Variants in FGD6 observed in about 807,000 individuals in gnomAD.
FGD6 encodes the protein FYVE, RhoGEF and PH domain containing 6, also known as FYVE, RhoGEF and PH domain-containing protein 6.
A neutral mutation model predicts 149.4 loss-of-function variants in FGD6; 90 were observed. The observed-to-expected ratio is 0.60, with a 90% CI of 0.51 to 0.72. FGD6 has a LOEUF of 0.72. Ranked by LOEUF, FGD6 falls within the 30% of genes least tolerant of loss-of-function variation. The pLI, the probability that FGD6 is intolerant of heterozygous loss-of-function variation, is 0.00. For missense variants in FGD6, 1,437 were observed against 1,684.8 expected, an observed-to-expected ratio of 0.85 and a Z score of 2.57; for synonymous variants, 527 against 584.0, an observed-to-expected ratio of 0.90 and a Z score of 1.41.
At chr12:95,192,067 C>T (rs1394521303) in intron 2 of FGD6, among the ~76,000 whole-genome samples, 1 of 152,118 alleles carries the variant, frequency 6.6e-6, no homozygotes, top group African/African-American at 2.4e-5. Flanking sequence ...CTAATTATAA[C>T]CAACTAATAT....
At chr12:95,154,669 C>T (rs1459381522) in intron 3 of FGD6, among the ~76,000 whole-genome samples, 1 of 152,178 alleles carries the variant, frequency 6.6e-6, no homozygotes, top group Non-Finnish European at 1.5e-5. Context: ...TCTTTGCATT[C>T]TCGTAGGCAC....
intron 14 of FGD6, among the ~76,000 whole-genome samples, chr12:95,098,867 A>ATTTTTTTTT (rs63204961): frequency 7.9e-6 from 1 of 126,748 alleles, no homozygotes. Flanking sequence ...GGCCCTTTTA[A>ATTTTTTTTT]TTTTTTTTTT....
intron 3 of FGD6, among the ~76,000 whole-genome samples, chr12:95,167,059 G>T (rs1409355288): frequency 2.6e-5 from 4 of 151,978 alleles, no homozygotes; most frequent in Non-Finnish European, 1.5e-5. Flanking sequence ...ATTTCACCAT[G>T]TTGGTCAAGC....
intron 2 of FGD6, among the ~76,000 whole-genome samples, chr12:95,186,902 T>C (rs1041633361): frequency 3.9e-5 from 6 of 152,182 alleles, no homozygotes; most frequent in African/African-American, 1.2e-4. Flanking sequence ...GATCATAATA[T>C]TGCCTACCTG....
At position 95,210,926 on chromosome 12, in the gene FGD6, G is replaced by C; in HGVS notation, c.358C>G (p.Leu120Val). The change falls in exon 2 of 21, where the codon CTG becomes GTG. Residue 120 changes from leucine (L) to valine (V), a missense_variant. Leu to Val is a conservative substitution (Grantham distance 32). Around this residue, in one of 2 missense-constraint regions of FGD6, gnomAD observed 1,055 missense variants for 1,146.0 expected, o/e 0.92. Coordinates refer to ENST00000343958, the MANE Select transcript of FGD6 (RefSeq NM_018351.4). ...CSCSSECIHK[L>V]GHRENLCVKQ... Reference sequence around the variant, plus strand: ...ACACACAAATTCTCTCTATGGCCCAGCTTATGGATACACTCAGAACTGCAG... The same window carrying C: ...ACACACAAATTCTCTCTATGGCCCACCTTATGGATACACTCAGAACTGCAG... 6.2e-7 allele frequency: 1 copy of C among 1,614,136 alleles called. No individual in the cohort carries two copies. The highest frequency in any genetic ancestry group is 8.5e-7 in the Non-Finnish European group (1 of 1,180,030).
Position 95,141,681 on chromosome 12 carries a change from C to G in FGD6, c.2686-142G>C, listed in dbSNP as rs551680860. 4.3e-4 allele frequency: 387 copies of G among 892,634 alleles called. 3 individuals carry two copies. In the East Asian group the frequency reaches 1.0e-2, roughly 23 times the overall value. 55.3% of individuals were successfully genotyped at this position (892,634 alleles called of 1,614,324 possible). A position where few individuals can be genotyped will look rare whatever the true frequency, so the allele number is the denominator to read the frequency against. On this transcript the variant is annotated intron_variant, in intron 5 of 20. Transcript: ENST00000343958. ...GCAGAATTACAAATCTAAAGTACCC[C>G]CTTCCTCCTACCCCACTCACCTAGA...
chr12:95,106,356 C>T (rs1202737217), intron 13 of FGD6, among the ~76,000 whole-genome samples: 3 of 151,230 alleles, frequency 2.0e-5, no homozygotes, highest in Admixed American at 6.6e-5. Context: ...CTGACACCTC[C>T]GCCTCCCAGG....
Position 95,139,892 on chromosome 12 carries a change from C to T in FGD6, c.2837+1496G>A, listed in dbSNP as rs576726816. Among the ~76,000 whole-genome samples, 12 of 152,318 alleles carry T rather than the reference C, an allele frequency of 7.9e-5. No individual in the cohort carries two copies. In the South Asian group the frequency reaches 1.9e-3, roughly 24 times the overall value. On this transcript the variant is annotated intron_variant, in intron 6 of 20. Transcript: ENST00000343958. The stretch of plus-strand genomic sequence containing the variant: ...CCTCAAGTGACCCACCCGCCGCAGC[C>T]TCCCAAAGTGCTGGGATTACAGGCA...
chr12:95,134,729 A>T lies in FGD6; in HGVS notation c.3082+10T>A. The T allele has an allele frequency of 6.2e-7, 1 of 1,612,806 alleles. No homozygotes were observed. Among genetic ancestry groups the T allele is most frequent in the Non-Finnish European group, 8.5e-7 (1 of 1,179,552 alleles). ...AACTGGGTGGTTGGCAAAATGCTGG[A>T]GAAGCCCACCTGTCAGCAACAGCCT... On this transcript the variant is annotated intron_variant, in intron 8 of 20. Coordinates refer to ENST00000343958, the MANE Select transcript of FGD6 (RefSeq NM_018351.4).
chr12:95,091,986 A>G (rs1350858395), intron 16 of FGD6, among the ~76,000 whole-genome samples, 177 bp from the exon 17 acceptor site: 1 of 152,238 alleles, frequency 6.6e-6, no homozygotes, highest in Non-Finnish European at 1.5e-5. Context: ...ACTAATGCAT[A>G]GTACCACACT....
chr12:95,095,745 G>A (rs1878212478), intron 14 of FGD6, among the ~76,000 whole-genome samples: 1 of 152,146 alleles, frequency 6.6e-6, no homozygotes, highest in Admixed American at 6.6e-5. Context: ...CAGGCGTGGT[G>A]GCTCACGCCT....
At chr12:95,116,949 G>T (rs1436744304) in intron 8 of FGD6, 20 of 455,522 alleles carry the variant, frequency 4.4e-5, no homozygotes, top group Non-Finnish European at 7.1e-5. Flanking sequence ...GGAGGAACAG[G>T]AAACCAGTAG....
At chr12:95,102,953 T>G (rs1476551788) in intron 14 of FGD6, among the ~76,000 whole-genome samples, 1 of 151,962 alleles carries the variant, frequency 6.6e-6, no homozygotes, top group African/African-American at 2.4e-5. Flanking sequence ...AAAGAGAAAA[T>G]AAATATAAAA....
At chr12:95,124,295 G>C (rs946475945) in intron 8 of FGD6, among the ~76,000 whole-genome samples, 3 of 152,148 alleles carry the variant, frequency 2.0e-5, no homozygotes, top group African/African-American at 7.2e-5. Context: ...AAATGGCCTT[G>C]GCACAGTCGA....
intron 1 of FGD6, among the ~76,000 whole-genome samples, chr12:95,216,679 A>AAC (rs2056799408): frequency 6.6e-6 from 1 of 150,568 alleles, no homozygotes; most frequent in Non-Finnish European, 1.5e-5. Flanking sequence ...CAAAAAAAAA[A>AAC]AAAAAAAAAA....
chr12:95,178,571 T>TA (rs1342772683), intron 2 of FGD6, among the ~76,000 whole-genome samples: 1 of 152,236 alleles, frequency 6.6e-6, no homozygotes, highest in Non-Finnish European at 1.5e-5. Context: ...TCAATTTTTT[T>TA]ATGTCCTTGC....
intron 14 of FGD6, 145 bp downstream of exon 14, chr12:95,104,862 G>A (rs1265511138): frequency 1.7e-5 from 11 of 639,854 alleles, no homozygotes; most frequent in African/African-American, 5.5e-5. Context: ...GCAGTGAGCC[G>A]TGATTGTGCC....
chr12:95,167,498 A>C (rs1203918568), intron 3 of FGD6, among the ~76,000 whole-genome samples: 1 of 150,322 alleles, frequency 6.7e-6, no homozygotes, highest in Non-Finnish European at 1.5e-5. Flanking sequence ...ACCTTTTTAC[A>C]TCTTTATTGG....
intron 2 of FGD6, among the ~76,000 whole-genome samples, chr12:95,202,991 A>C (rs1185845303): frequency 6.6e-6 from 1 of 152,230 alleles, no homozygotes; most frequent in Non-Finnish European, 1.5e-5. Flanking sequence ...GGAAATGTTC[A>C]TAGGCTGTTA....
Sources: gnomAD v4.1 joint callset for allele counts (sites outside exome capture counted in the v4.1 genomes callset) on GRCh38, gnomAD v4.1.1 for gene constraint, gnomAD v4.1.1 regional missense constraint, MANE v1.5 for transcripts, NCBI Gene and HGNC (gene_info 2026-07-23, HGNC 2026-07-21) for gene names.